SIN3B: variants seen among roughly 807,000 people sequenced by gnomAD.
SIN3B encodes the protein paired amphipathic helix protein Sin3b.
A neutral mutation model predicts 120.2 loss-of-function variants in SIN3B; 19 were observed. The observed-to-expected ratio is 0.16, with a 90% CI of 0.11 to 0.23. The LOEUF (loss-of-function observed/expected upper bound fraction) is 0.23, where lower values mean the gene tolerates loss of function less well. Among genes scored for constraint, SIN3B ranks in the 10% least tolerant of loss-of-function variants. The pLI is 1.00. For synonymous variants in SIN3B, 654 were observed against 653.2 expected (o/e 1.00, Z -0.02); for missense variants, 1,073 against 1,573.0 (o/e 0.68, Z 5.38).
chr19:16,871,354 G>A lies in SIN3B; in HGVS notation c.2548G>A (p.Val850Met). 3 of 1,613,646 alleles carry A rather than the reference G, an allele frequency of 1.9e-6. No homozygotes were observed. Among genetic ancestry groups the A allele is most frequent in the Non-Finnish European group, 2.5e-6 (3 of 1,179,802 alleles). Residue 850 changes from valine to methionine, a missense_variant, in exon 14 of 19, where the codon GTG (valine) becomes ATG (methionine). By Grantham distance (21) the Val-to-Met change is conservative (BLOSUM62 1). Around this residue, in one of 7 missense-constraint regions of SIN3B, gnomAD observed 24 missense variants for 65.7 expected, o/e 0.37. Transcript: ENST00000248054. ...CGAGATGTTCACCATCCATGCCTAC[G>A]TGGGCTTCACCATGGACAAGCTGGT... The part of the protein sequence containing the change: ...LREMFTIHAY[V>M]GFTMDKLVQN...
At chr19:16,854,397 T>A (rs1062882) in intron 8 of SIN3B, 136 bp downstream of exon 8, 2 of 617,600 alleles carry the variant, frequency 3.2e-6, no homozygotes. Context: ...GTGATTGATA[T>A]AATTATTGAT....
At chr19:16,831,857 G>A (rs978637440) in intron 3 of SIN3B, among the ~76,000 whole-genome samples, 2 of 152,122 alleles carry the variant, frequency 1.3e-5, no homozygotes, top group African/African-American at 2.4e-5. Context: ...GATCTGTTTG[G>A]AAGATTTAAA....
intron 10 of SIN3B, among the ~76,000 whole-genome samples, chr19:16,864,730 C>A (rs1971739345): frequency 6.6e-6 from 1 of 151,584 alleles, no homozygotes; most frequent in African/African-American, 2.4e-5. Flanking sequence ...ATGGCTCACG[C>A]CTGTAATCCC....
At chr19:16,843,847 CTTT>C (rs11323487) in intron 4 of SIN3B, among the ~76,000 whole-genome samples, 108,776 of 147,744 alleles carry the variant, frequency 0.74, 39,457 homozygotes, top group African/African-American at 0.81. Context: ...GGCACAGTTT[CTTT>C]TTTTGTTTTT....
rs959675144 is a variant in SIN3B at position 16,846,994 on chromosome 19, C to T, written c.607C>T (p.Arg203Trp). The T allele has an allele frequency of 4.3e-6, 7 of 1,614,114 alleles. No individual in the cohort carries two copies. Among genetic ancestry groups the T allele is most frequent in the Non-Finnish European group, 5.1e-6 (6 of 1,179,974 alleles). ...YQKEQLNTRGRPFRGMSEEEV... is the reference protein window; with the variant it reads ...YQKEQLNTRGWPFRGMSEEEV... Reference sequence around the variant, plus strand: ...GAAGGAGCAGCTGAACACGAGGGGCCGGCCATTCCGAGGCATGTCTGAAGA... The same window carrying T: ...GAAGGAGCAGCTGAACACGAGGGGCTGGCCATTCCGAGGCATGTCTGAAGA... The change falls in exon 5 of 19, where the codon CGG (arginine) becomes TGG (tryptophan). Residue 203 changes from arginine to tryptophan, a missense_variant. Physicochemically the swap from Arg to Trp is moderately radical, Grantham distance 101. Coordinates refer to ENST00000248054, the MANE Select transcript of SIN3B (RefSeq NM_001297595.2).
rs760718493 is a variant in SIN3B at position 16,878,424 on chromosome 19, C to G, written c.3162+34C>G. On this transcript the variant is annotated intron_variant, in intron 18 of 18. Transcript: ENST00000248054. ...GGAGGCCTGGGCTGCCCCGACATGCCCCTCCTCACCCCAAGTCCTGGGGCC... is the reference window on the plus strand; with the variant it reads ...GGAGGCCTGGGCTGCCCCGACATGCGCCTCCTCACCCCAAGTCCTGGGGCC... 1.9e-6 allele frequency: 3 copies of G among 1,593,964 alleles called. No homozygotes were observed. The East Asian group carries it at 6.8e-5, about 36-fold the overall frequency.
chr19:16,867,432 G>C (rs1161473395), intron 12 of SIN3B, among the ~76,000 whole-genome samples: 1 of 152,200 alleles, frequency 6.6e-6, no homozygotes, highest in Non-Finnish European at 1.5e-5. Context: ...GGGCCTGTTA[G>C]TAGCTGTGTG....
At chr19:16,856,496 G>A (rs756734331) in intron 8 of SIN3B, among the ~76,000 whole-genome samples, 4 of 152,000 alleles carry the variant, frequency 2.6e-5, no homozygotes, top group African/African-American at 7.3e-5. Context: ...CGATTTTTTC[G>A]GCAGAAGGAA....
chr19:16,829,680 C>A, intron 1 of SIN3B, 111 bp from the exon 2 acceptor site: 1 of 1,257,114 alleles, frequency 8.0e-7, no homozygotes, highest in Non-Finnish European at 1.1e-6. Flanking sequence ...CCCCTCACCT[C>A]TCACCTCGGC....
At chr19:16,875,789 C>CTGGTCTGGTCTGGTCTGTT (rs2051594182) in intron 14 of SIN3B, 4 of 483,912 alleles carry the variant, frequency 8.3e-6, no homozygotes, top group Admixed American at 3.8e-5. Context: ...CTGGTCTGGT[C>CTGGTCTGGTCTGGTCTGTT]TGGTCTGGTC....
intron 13 of SIN3B, 62 bp downstream of exon 13, chr19:16,870,137 A>C: frequency 1.3e-4 from 177 of 1,384,360 alleles, no homozygotes; most frequent in Non-Finnish European, 1.5e-4. Flanking sequence ...GTCACAGCTC[A>C]TGATCTGACA....
In SIN3B at chr19:16,877,159, A is replaced by G. The variant is rs1302241775; in HGVS notation, c.2860-386A>G. The G allele has an allele frequency of 1.6e-5, 4 of 246,938 alleles. No homozygotes were observed. The South Asian group carries it at 2.5e-4, about 15-fold the overall frequency. 15.3% of individuals were successfully genotyped at this position (246,938 alleles called of 1,614,324 possible). The stretch of plus-strand genomic sequence containing the variant: ...ATTTCCTGGGGCTACCACCACAATG[A>G]CCACAAACCACGTGGCTTCAAACAA... On this transcript the variant is annotated intron_variant, in intron 16 of 18. Transcript: ENST00000248054.
chr19:16,840,966 C>T (rs1599591587), intron 3 of SIN3B, among the ~76,000 whole-genome samples: 1 of 152,258 alleles, frequency 6.6e-6, no homozygotes, highest in East Asian at 1.9e-4. Context: ...CCAAGCAGGG[C>T]TTATCCAAGC....
intron 12 of SIN3B, among the ~76,000 whole-genome samples, chr19:16,867,429 TTAG>T (rs1971791505): frequency 6.6e-6 from 1 of 152,164 alleles, no homozygotes; most frequent in South Asian, 2.1e-4. Flanking sequence ...GCTGGGCCTG[TTAG>T]TAGCTGTGTG....
chr19:16,831,040 T>C (rs1226428526), intron 2 of SIN3B, among the ~76,000 whole-genome samples: 2 of 150,860 alleles, frequency 1.3e-5, no homozygotes, highest in Non-Finnish European at 2.9e-5. Flanking sequence ...GGTCATGGTG[T>C]ACAGATGCTA....
chr19:16,852,933 C>A, intron 6 of SIN3B, 136 bp from the exon 7 acceptor site: 1 of 631,716 alleles, frequency 1.6e-6, no homozygotes, highest in Non-Finnish European at 2.7e-6. Flanking sequence ...CGGCTCCTGC[C>A]TGTCCCTCAC....
Position 16,878,207 on chromosome 19 carries a change from G to T in SIN3B, c.2979G>T (p.Arg993=), listed in dbSNP as rs1258027567. 1 of 1,585,596 alleles carries T rather than the reference G, an allele frequency of 6.3e-7. No homozygotes were observed. Among genetic ancestry groups the T allele is most frequent in the Non-Finnish European group, 8.6e-7 (1 of 1,163,734 alleles). Residue 993 remains arginine, a synonymous_variant, in exon 18 of 19, where the codon CGG becomes CGT. Coordinates refer to ENST00000248054, the MANE Select transcript of SIN3B (RefSeq NM_001297595.2). ...GGAACCTCAAGAAGTTCCGCCGCCG[G>T]TGGCAGAGCGAGCAGGCGCGGGCCC... The part of the protein sequence containing the change: ...LQRNLKKFRR[R]WQSEQARALR...
chr19:16,877,580 C>G lies in SIN3B; in HGVS notation c.2895C>G (p.Thr965=). The change falls in exon 17 of 19, where the codon ACC becomes ACG. Residue 965 remains threonine, a synonymous_variant. Coordinates refer to ENST00000248054, the MANE Select transcript of SIN3B (RefSeq NM_001297595.2). The part of the protein sequence containing the change: ...LARYVEQYVG[T]EGASSSPTEG... ...GGTACGTGGAGCAGTATGTGGGGAC[C>G]GAGGGCGCGTCCAGCTCGCCCACTG... 1.9e-6 allele frequency: 3 copies of G among 1,612,116 alleles called. No homozygotes were observed. Among genetic ancestry groups the G allele is most frequent in the Non-Finnish European group, 2.5e-6 (3 of 1,179,472 alleles).
Position 16,878,808 on chromosome 19 carries a change from T to A in SIN3B, c.*81T>A. On this transcript the variant is annotated 3_prime_UTR_variant, in exon 19 of 19. Coordinates refer to ENST00000248054, the MANE Select transcript of SIN3B (RefSeq NM_001297595.2). ...CTTGGTCGTGTCGGGGCCGTTTTCT[T>A]GAACGACGTGAGAGGCATCTCCCAG... The A allele has an allele frequency of 8.1e-7, 1 of 1,239,126 alleles. No homozygotes were observed. Among genetic ancestry groups the A allele is most frequent in the Non-Finnish European group, 1.1e-6 (1 of 897,666 alleles). 76.8% of individuals were successfully genotyped at this position (1,239,126 alleles called of 1,614,324 possible). A position where few individuals can be genotyped will look rare whatever the true frequency, so the allele number is the denominator to read the frequency against.
Sources: allele counts gnomAD v4.1 joint callset (sites outside exome capture counted in the v4.1 genomes callset), GRCh38; gene constraint gnomAD v4.1.1; regional missense constraint gnomAD v4.1.1; transcripts MANE v1.5; gene names NCBI Gene and HGNC (gene_info 2026-07-23, HGNC 2026-07-21).